DIP2C: variants seen among roughly 807,000 people sequenced by gnomAD.
DIP2C encodes the protein disco-interacting protein 2 homolog C.
In DIP2C, 33 loss-of-function variants were observed where a neutral mutation model predicts 192.4. The observed-to-expected ratio is 0.17, with a 90% CI of 0.13 to 0.23. The LOEUF (loss-of-function observed/expected upper bound fraction) is 0.23, where lower values mean the gene tolerates loss of function less well. Among genes scored for constraint, DIP2C ranks in the 10% least tolerant of loss-of-function variants. The probability of loss-of-function intolerance (pLI) is 1.00; values close to 1 mark genes in which losing one functional copy is unlikely to be tolerated. For synonymous variants in DIP2C, 979 were observed against 864.1 expected (o/e 1.13, Z -2.33); for missense variants, 1,537 against 2,110.1 (o/e 0.73, Z 5.32).
chr10:641,646 T>G (rs575979928), intron 1 of DIP2C: 1 of 154,128 alleles, frequency 6.5e-6, no homozygotes, highest in Non-Finnish European at 1.5e-5. Flanking sequence ...TGAGGAAAGC[T>G]AAGTAAAGTC....
At chr10:515,310 T>C (rs577130329) in intron 1 of DIP2C, among the ~76,000 whole-genome samples, 1 of 152,368 alleles carries the variant, frequency 6.6e-6, no homozygotes, top group Admixed American at 6.5e-5. Flanking sequence ...TTGTGGCCTA[T>C]ATTTTTAACA....
rs977892903 is a variant in DIP2C at position 276,831 on chromosome 10, C to T, written c.*494G>A. 1.3e-5 allele frequency: 2 copies of T among 154,700 alleles called. No homozygotes were observed. Among genetic ancestry groups the T allele is most frequent in the Non-Finnish European group, 1.4e-5 (1 of 69,452 alleles). 9.6% of individuals were successfully genotyped at this position (154,700 alleles called of 1,614,324 possible). ...AGGTTTTCTCGTACCTCAAACTTTC[C>T]TAAAAGGATGAGATCTAGCAATGGC... On this transcript the variant is annotated 3_prime_UTR_variant, in exon 37 of 37. Transcript: ENST00000280886.
At chr10:443,210 C>T (rs182531767) in intron 3 of DIP2C, among the ~76,000 whole-genome samples, 29 of 152,288 alleles carry the variant, frequency 1.9e-4, no homozygotes, top group Non-Finnish European at 4.0e-4. Flanking sequence ...TTTCATCGAT[C>T]CTTCACTACT....
chr10:504,496 G>A lies in DIP2C; in HGVS notation c.86-17966C>T, dbSNP rs556875578. Among the ~76,000 whole-genome samples, 8 of 152,328 alleles carry A rather than the reference G, an allele frequency of 5.3e-5. No individual in the cohort carries two copies. In the South Asian group the frequency reaches 8.3e-4, roughly 16 times the overall value. The stretch of plus-strand genomic sequence containing the variant: ...CACAGCCACCTTAGGCCGGGAGAGC[G>A]AGGATGGGACTCAGAAGCTGCAAGA... On this transcript the variant is annotated intron_variant, in intron 1 of 36. Transcript: ENST00000280886.
In DIP2C at chr10:308,227, C is replaced by T. The variant is rs149670316; in HGVS notation, c.3986+1804G>A. ...TGTCTGGCATCCGAGGAGCTCCCCT[C>T]GGCACTGCTCAAGGGTGAGAGCCTA... On this transcript the variant is annotated intron_variant, in intron 32 of 36. Transcript: ENST00000280886. 1.6e-3 allele frequency among the ~76,000 whole-genome samples: 237 copies of T among 152,196 alleles called. 4 individuals are homozygous for T. In the East Asian group the frequency reaches 0.036, roughly 23 times the overall value.
intron 24 of DIP2C, 41 bp downstream of exon 24, chr10:356,376 GCTAGGCCCC>G: frequency 1.9e-6 from 3 of 1,597,434 alleles, no homozygotes; most frequent in Non-Finnish European, 2.6e-6. Context: ...CAGGAACCAG[GCTAGGCCCC>G]TTGAGGCCAG....
At chr10:306,772 G>A (rs773600069) in intron 32 of DIP2C, among the ~76,000 whole-genome samples, 13 of 152,290 alleles carry the variant, frequency 8.5e-5, no homozygotes, top group Non-Finnish European at 1.8e-4. Context: ...TCCAGCTGCC[G>A]GAGCTCATAG....
At chr10:448,669 CCT>C (rs1209597605) in intron 3 of DIP2C, among the ~76,000 whole-genome samples, 1 of 147,142 alleles carries the variant, frequency 6.8e-6, no homozygotes, top group East Asian at 2.1e-4. Context: ...CCCACTCACC[CCT>C]GTCGATATTC....
At chr10:337,391 C>A (rs1291809098) in intron 29 of DIP2C, among the ~76,000 whole-genome samples, 2 of 67,212 alleles carry the variant, frequency 3.0e-5, no homozygotes, top group African/African-American at 1.1e-4. Context: ...GTGTGTGTGT[C>A]GTGGAGGCCT....
intron 1 of DIP2C, among the ~76,000 whole-genome samples, chr10:624,702 T>C (rs907499988): frequency 6.6e-6 from 1 of 152,112 alleles, no homozygotes; most frequent in Non-Finnish European, 1.5e-5. Flanking sequence ...ATGCTGAATA[T>C]GCAGGCACAC....
At chr10:657,070 C>A (rs1274454875) in intron 1 of DIP2C, among the ~76,000 whole-genome samples, 2 of 151,466 alleles carry the variant, frequency 1.3e-5, no homozygotes, top group African/African-American at 4.9e-5. Context: ...ACTGGACATG[C>A]TGCTGGACTT....
chr10:298,703 C>T (rs1955876956), intron 32 of DIP2C, among the ~76,000 whole-genome samples: 1 of 152,216 alleles, frequency 6.6e-6, no homozygotes, highest in Non-Finnish European at 1.5e-5. Context: ...AGAGCTGATC[C>T]ATCTGCACAG....
At chr10:462,597 A>C (rs764169784) in intron 3 of DIP2C, among the ~76,000 whole-genome samples, 4 of 152,248 alleles carry the variant, frequency 2.6e-5, no homozygotes, top group Non-Finnish European at 5.9e-5. Context: ...CCAGAGGTAC[A>C]AAGAGGAGCT....
chr10:548,828 T>C (rs984506126), intron 1 of DIP2C, among the ~76,000 whole-genome samples: 12 of 148,388 alleles, frequency 8.1e-5, no homozygotes, highest in South Asian at 6.3e-4. Flanking sequence ...TTTAGAACCA[T>C]TGTGTATGTT....
rs540222186 is a variant in DIP2C at position 672,602 on chromosome 10, G to A, written c.85+16892C>T. Among the ~76,000 whole-genome samples the A allele has an allele frequency of 5.3e-5, 8 of 152,340 alleles. No homozygotes were observed. The East Asian group carries it at 1.5e-3, about 29-fold the overall frequency. ...TCGAATGAAAGCACTCTGCATAAAA[G>A]AACTAAAGATTGGCTGGCGACCGCT... On this transcript the variant is annotated intron_variant, in intron 1 of 36. Coordinates refer to ENST00000280886, the MANE Select transcript of DIP2C (RefSeq NM_014974.3).
At chr10:348,424 A>G (rs901280819) in intron 26 of DIP2C, among the ~76,000 whole-genome samples, 3 of 152,188 alleles carry the variant, frequency 2.0e-5, no homozygotes, top group Non-Finnish European at 2.9e-5. Context: ...TGCAGAGGCT[A>G]CCATCCAGCC....
In DIP2C at chr10:580,544, T is replaced by C. The variant is rs549030090; in HGVS notation, c.86-94014A>G. Among the ~76,000 whole-genome samples, 73 of 152,332 alleles carry C rather than the reference T, an allele frequency of 4.8e-4. 1 individual carries two copies. Among genetic ancestry groups the C allele is most frequent in the Middle Eastern group, 3.4e-3 (1 of 294 alleles). On this transcript the variant is annotated intron_variant, in intron 1 of 36. Coordinates refer to ENST00000280886, the MANE Select transcript of DIP2C (RefSeq NM_014974.3). ...GCACATATGTACACATGTACATGCA[T>C]GCCCATAGCATGCACACATGTAGGA...
At chr10:623,386 C>T (rs1404320782) in intron 1 of DIP2C, among the ~76,000 whole-genome samples, 5 of 151,308 alleles carry the variant, frequency 3.3e-5, no homozygotes, top group Non-Finnish European at 7.4e-5. Context: ...ACAGGCGTCT[C>T]CCTCCAGCCG....
intron 1 of DIP2C, among the ~76,000 whole-genome samples, chr10:583,968 G>A (rs1850819167): frequency 6.6e-6 from 1 of 152,178 alleles, no homozygotes; most frequent in African/African-American, 2.4e-5. Flanking sequence ...GTGAAAGAGA[G>A]AGGCGCGGGG....
Sources: gnomAD v4.1 joint callset for allele counts (sites outside exome capture counted in the v4.1 genomes callset) on GRCh38, gnomAD v4.1.1 for gene constraint, MANE v1.5 for transcripts, NCBI Gene and HGNC (gene_info 2026-07-23, HGNC 2026-07-21) for gene names.